The following ITK variants were observed in gnomAD, a reference collection of about 807,000 sequenced individuals.
The protein encoded by ITK is IL2 inducible T cell kinase.
Under a neutral mutation model 87.6 loss-of-function variants are expected in ITK, and 45 were observed. That is an observed-to-expected ratio of 0.51 (90% confidence interval 0.40 to 0.66). The LOEUF (loss-of-function observed/expected upper bound fraction) is 0.66. Among genes scored for constraint, ITK ranks in the 30% least tolerant of loss-of-function variants. ITK has a pLI of 0.00. For missense variants in ITK, 605 were observed against 766.3 expected (o/e 0.79, Z 2.48); for synonymous variants, 303 against 273.6 (o/e 1.11, Z -1.06).
intron 1 of ITK, among the ~76,000 whole-genome samples, chr5:157,198,243 T>C (rs575279769): frequency 2.3e-4 from 35 of 152,314 alleles, no homozygotes; most frequent in African/African-American, 8.4e-4. Flanking sequence ...TTTTAATAGA[T>C]GATCCTAAAT....
Position 157,181,094 on chromosome 5 carries a change from A to T in ITK, c.117A>T (p.Ala39=). The change falls in exon 1 of 17, where the codon GCA becomes GCT. Residue 39 remains alanine, a synonymous_variant. Coordinates refer to ENST00000422843, the MANE Select transcript of ITK (RefSeq NM_005546.4). ...RFFVLTKASL[A]YFEDRHGKKR... is the part of the protein sequence containing the mutation. ...TTGTGTTAACCAAAGCCAGCCTGGC[A>T]TACTTTGAAGATCGTCATGGGGTAT... 6.2e-7 allele frequency: 1 copy of T among 1,614,090 alleles called. No individual in the cohort carries two copies. Among genetic ancestry groups the T allele is most frequent in the Non-Finnish European group, 8.5e-7 (1 of 1,179,908 alleles).
chr5:157,202,306 C>A (rs1002812491), intron 1 of ITK, among the ~76,000 whole-genome samples: 3 of 152,132 alleles, frequency 2.0e-5, no homozygotes, highest in Admixed American at 6.5e-5. Flanking sequence ...CTCTGCCTCC[C>A]GAGTTCAAGC....
intron 16 of ITK, among the ~76,000 whole-genome samples, chr5:157,249,504 G>A (rs897392088): frequency 3.3e-5 from 5 of 152,208 alleles, no homozygotes; most frequent in Non-Finnish European, 5.9e-5. Context: ...TGGATTGCAG[G>A]CCATGGCTTG....
At chr5:157,209,193 G>A (rs184637791) in intron 2 of ITK, among the ~76,000 whole-genome samples, 200 bp downstream of exon 2, 18 of 152,186 alleles carry the variant, frequency 1.2e-4, no homozygotes, top group Middle Eastern at 3.4e-3. Context: ...TTAGCTGGGC[G>A]TACTGGCGGG....
At chr5:157,208,793 C>T in intron 1 of ITK, 96 bp from the exon 2 acceptor site, 2 of 867,614 alleles carry the variant, frequency 2.3e-6, no homozygotes, top group African/African-American at 1.7e-5. Flanking sequence ...GTTTAAAAAG[C>T]CAATGGATCT....
intron 6 of ITK, 56 bp from the exon 7 acceptor site, chr5:157,228,240 A>C: frequency 9.7e-7 from 1 of 1,034,784 alleles, no homozygotes; most frequent in Non-Finnish European, 1.5e-6. Flanking sequence ...TAAACCTATA[A>C]AATGATATAA....
intron 2 of ITK, among the ~76,000 whole-genome samples, chr5:157,209,274 G>T (rs567414593): frequency 6.6e-6 from 1 of 151,408 alleles, no homozygotes; most frequent in African/African-American, 2.4e-5. Context: ...AGAGTTTTCA[G>T]TGAGCCAAGA....
chr5:157,247,964 T>C (rs1157515403), intron 15 of ITK, among the ~76,000 whole-genome samples: 2 of 152,312 alleles, frequency 1.3e-5, no homozygotes, highest in East Asian at 3.9e-4. Context: ...TGTCTTGGGG[T>C]GATAAGCATT....
chr5:157,192,710 G>A lies in ITK; in HGVS notation c.138+11595G>A, dbSNP rs531734708. Among the ~76,000 whole-genome samples the A allele has an allele frequency of 2.0e-5, 3 of 152,236 alleles. No individual in the cohort carries two copies. In the South Asian group the frequency reaches 6.2e-4, roughly 32 times the overall value. ...AGTGGAAGTTCTCTGCTTGAAGCAGGGCAGGGAAACTGCCCAGAACCCTAT... is the reference window on the plus strand; with the variant it reads ...AGTGGAAGTTCTCTGCTTGAAGCAGAGCAGGGAAACTGCCCAGAACCCTAT... On this transcript the variant is annotated intron_variant, in intron 1 of 16. Transcript: ENST00000422843.
At chr5:157,211,162 T>G in intron 2 of ITK, 125 bp from the exon 3 acceptor site, 1 of 787,154 alleles carries the variant, frequency 1.3e-6, no homozygotes, top group Non-Finnish European at 2.3e-6. Context: ...GGCCCCCTAA[T>G]TACCCAAATG....
chr5:157,241,579 G>A, intron 10 of ITK, 67 bp from the exon 11 acceptor site: 1 of 1,071,462 alleles, frequency 9.3e-7, no homozygotes, highest in South Asian at 1.3e-5. Flanking sequence ...TTTTTTTAGT[G>A]ATTTAAGTTA....
At chr5:157,242,930 G>A (rs1405032991) in intron 11 of ITK, among the ~76,000 whole-genome samples, 1 of 152,214 alleles carries the variant, frequency 6.6e-6, no homozygotes, top group Non-Finnish European at 1.5e-5. Context: ...CAAAGCAGTG[G>A]AAATCTGGCT....
chr5:157,212,015 G>A (rs1239035906), intron 3 of ITK, among the ~76,000 whole-genome samples: 6 of 152,218 alleles, frequency 3.9e-5, no homozygotes, highest in Non-Finnish European at 7.3e-5. Flanking sequence ...CCTTCCTGAT[G>A]GCACAGTTAG....
In ITK at chr5:157,241,640, A is replaced by T. The variant is rs778352222; in HGVS notation, c.986-6A>T. 1 of 1,612,924 alleles carries T rather than the reference A, an allele frequency of 6.2e-7. No homozygotes were observed. Among genetic ancestry groups the T allele is most frequent in the East Asian group, 2.2e-5 (1 of 44,808 alleles). Reference sequence around the variant, plus strand: ...CCACTGCTTCTTGGCTTTTCAATCAACCCAGGCCTGGTGACTCGACTCCGG... The same window carrying T: ...CCACTGCTTCTTGGCTTTTCAATCATCCCAGGCCTGGTGACTCGACTCCGG... On this transcript the variant is annotated splice_region_variant and splice_polypyrimidine_tract_variant and intron_variant, in intron 10 of 16. Transcript: ENST00000422843.
Position 157,244,265 on chromosome 5 carries a change from ACT to A in ITK, c.1242_1243del (p.His415SerfsTer21). The A allele has an allele frequency of 6.2e-7, 1 of 1,613,356 alleles. No individual in the cohort carries two copies. Among genetic ancestry groups the A allele is most frequent in the East Asian group, 2.2e-5 (1 of 44,848 alleles). On this transcript the variant is annotated frameshift_variant, in exon 13 of 17. Transcript: ENST00000422843. LOFTEE classifies it high-confidence loss of function. ...FIEEAEVMMK[L>X]SHPKLVQLYG... ...ACCCCTTGTCTTTTTCCTCCAGGAAACTCTCTCATCCCAAACTGGTGCAGCTG... is the reference window on the plus strand; with the variant it reads ...ACCCCTTGTCTTTTTCCTCCAGGAAACTCTCATCCCAAACTGGTGCAGCTG...
chr5:157,245,269 T>C (rs2113775613), intron 13 of ITK: 1 of 227,370 alleles, frequency 4.4e-6, no homozygotes, highest in Non-Finnish European at 8.8e-6. Flanking sequence ...GAGTGTTATC[T>C]CCAATGGCTT....
At position 157,209,809 on chromosome 5, in the gene ITK, T is replaced by G. The variant is rs369620872; in HGVS notation, c.243+816T>G. 3.7e-4 allele frequency among the ~76,000 whole-genome samples: 56 copies of G among 152,346 alleles called. 2 individuals carry two copies. The South Asian group carries it at 0.012, about 32-fold the overall frequency. Reference sequence around the variant, plus strand: ...TCACATTTAAATGTATTAAACGATATTAAAAATTCAGCTTCTTAGTCACAT... The same window carrying G: ...TCACATTTAAATGTATTAAACGATAGTAAAAATTCAGCTTCTTAGTCACAT... On this transcript the variant is annotated intron_variant, in intron 2 of 16. Transcript: ENST00000422843.
Position 157,252,856 on chromosome 5 carries a change from C to T in ITK, c.*178C>T, listed in dbSNP as rs2113779860. ...ATCCTGACCACAGCTGGCAGTCAAG[C>T]CACAGCTGGAGGGTCAGCCACCAAG... On this transcript the variant is annotated 3_prime_UTR_variant, in exon 17 of 17. Coordinates refer to ENST00000422843, the MANE Select transcript of ITK (RefSeq NM_005546.4). 1 of 657,156 alleles carries T rather than the reference C, an allele frequency of 1.5e-6. No individual in the cohort carries two copies. The highest frequency in any genetic ancestry group is 2.8e-6 in the Non-Finnish European group (1 of 358,058). 40.7% of individuals were successfully genotyped at this position (657,156 alleles called of 1,614,324 possible).
chr5:157,221,915 C>T (rs1754424993), intron 5 of ITK, among the ~76,000 whole-genome samples: 1 of 152,040 alleles, frequency 6.6e-6, no homozygotes, highest in Non-Finnish European at 1.5e-5. Flanking sequence ...CTTTGGGAGG[C>T]CGAGGCAGGA....
Sources: gnomAD v4.1 joint callset for allele counts (sites outside exome capture counted in the v4.1 genomes callset) on GRCh38, gnomAD v4.1.1 for gene constraint, MANE v1.5 for transcripts, NCBI Gene and HGNC (gene_info 2026-07-23, HGNC 2026-07-21) for gene names.